The following SGCZ variants were observed in gnomAD, a reference collection of about 807,000 sequenced individuals.
SGCZ encodes the protein sarcoglycan zeta.
A neutral mutation model predicts 41.3 loss-of-function variants in SGCZ; 40 were observed. The observed-to-expected ratio is 0.97, with a 90% CI of 0.75 to 1.26. SGCZ has a LOEUF of 1.26. SGCZ is among the 50% of genes most tolerant of loss of function. The probability of loss-of-function intolerance (pLI) is 0.00; values close to 1 mark genes in which losing one functional copy is unlikely to be tolerated. For synonymous variants in SGCZ, 206 were observed against 137.5 expected (o/e 1.50, Z -3.49); for missense variants, 552 against 369.8 (o/e 1.49, Z -4.04).
intron 2 of SGCZ, among the ~76,000 whole-genome samples, chr8:14,337,435 C>G (rs1802544197): frequency 1.3e-5 from 2 of 151,934 alleles, no homozygotes; most frequent in Non-Finnish European, 2.9e-5. Context: ...GTGGTCAGAA[C>G]ATAAGATTAG....
At chr8:14,639,296 T>C (rs1338409279) in intron 1 of SGCZ, among the ~76,000 whole-genome samples, 1 of 151,740 alleles carries the variant, frequency 6.6e-6, no homozygotes, top group African/African-American at 2.4e-5. Flanking sequence ...TTACCACTAA[T>C]ATATTATTCC....
At position 14,941,731 on chromosome 8, in the gene SGCZ, G is replaced by A. The variant is rs78275414; in HGVS notation, c.39+295854C>T. ...AGAGAGTTTGTACATCTATTCATAC[G>A]TTTATTAGAGACTTGATTTTTTGCA... is the stretch of plus-strand genomic sequence containing the variant. On this transcript the variant is annotated intron_variant, in intron 1 of 7. Transcript: ENST00000382080. Among the ~76,000 whole-genome samples, 849 of 151,558 alleles carry A rather than the reference G, an allele frequency of 5.6e-3. 14 individuals carry two copies. Among genetic ancestry groups the A allele is most frequent in the African/African-American group, 0.019 (802 of 41,380 alleles).
chr8:14,127,353 T>C (rs1802893250), intron 5 of SGCZ, among the ~76,000 whole-genome samples: 1 of 152,196 alleles, frequency 6.6e-6, no homozygotes, highest in African/African-American at 2.4e-5. Flanking sequence ...TGAATTACTA[T>C]AAATGACTGT....
At chr8:14,378,322 T>C (rs1804218082) in intron 2 of SGCZ, among the ~76,000 whole-genome samples, 1 of 152,154 alleles carries the variant, frequency 6.6e-6, no homozygotes, top group African/African-American at 2.4e-5. Flanking sequence ...GCTGCATAAA[T>C]GTCTTCTTAG....
intron 4 of SGCZ, among the ~76,000 whole-genome samples, chr8:14,197,177 T>C (rs1291138039): frequency 1.3e-5 from 2 of 152,144 alleles, no homozygotes; most frequent in Admixed American, 6.5e-5. Context: ...ATGGCTTTCT[T>C]TGGCATAATA....
At chr8:14,109,833 A>C (rs1438711961) in intron 5 of SGCZ, among the ~76,000 whole-genome samples, 1 of 152,062 alleles carries the variant, frequency 6.6e-6, no homozygotes, top group Non-Finnish European at 1.5e-5. Context: ...TATGCTGCTG[A>C]GGGCAAACTT....
chr8:14,775,223 T>C (rs188315693), intron 1 of SGCZ, among the ~76,000 whole-genome samples: 68 of 152,248 alleles, frequency 4.5e-4, no homozygotes, highest in African/African-American at 1.5e-3. Context: ...GATTGAGTTG[T>C]TTCCAGACCA....
At chr8:14,453,780 C>A (rs1800665158) in intron 2 of SGCZ, among the ~76,000 whole-genome samples, 1 of 152,194 alleles carries the variant, frequency 6.6e-6, no homozygotes, top group Non-Finnish European at 1.5e-5. Context: ...ATTCAAAAAT[C>A]TACTTTGCAA....
At chr8:14,460,090 A>T (rs917924376) in intron 2 of SGCZ, among the ~76,000 whole-genome samples, 2 of 152,156 alleles carry the variant, frequency 1.3e-5, no homozygotes, top group Non-Finnish European at 2.9e-5. Flanking sequence ...TAATTTTGCT[A>T]AATGTATTTT....
chr8:14,727,481 T>C (rs1165081442), intron 1 of SGCZ, among the ~76,000 whole-genome samples: 1 of 152,070 alleles, frequency 6.6e-6, no homozygotes, highest in Non-Finnish European at 1.5e-5. Flanking sequence ...CTCTTAGGTA[T>C]TTCACAAGAG....
In SGCZ at chr8:15,111,635, T is replaced by C. The variant is rs572762362; in HGVS notation, c.39+125950A>G. Among the ~76,000 whole-genome samples, 676 of 152,188 alleles carry C rather than the reference T, an allele frequency of 4.4e-3. 4 individuals carry two copies. Among genetic ancestry groups the C allele is most frequent in the African/African-American group, 0.016 (651 of 41,532 alleles). On this transcript the variant is annotated intron_variant, in intron 1 of 7. Transcript: ENST00000382080. Reference sequence around the variant, plus strand: ...CCTACATTTCGGCCGGGTGTGGTGGTTCACGCCTGTAATCGCAGCACTTTG... The same window carrying C: ...CCTACATTTCGGCCGGGTGTGGTGGCTCACGCCTGTAATCGCAGCACTTTG...
intron 2 of SGCZ, among the ~76,000 whole-genome samples, chr8:14,419,113 G>A (rs751678401): frequency 3.6e-4 from 54 of 151,692 alleles, no homozygotes; most frequent in Non-Finnish European, 4.6e-4. Flanking sequence ...TAACATTTGG[G>A]AAAAGTATAA....
chr8:14,516,396 T>C (rs1014762542), intron 2 of SGCZ, among the ~76,000 whole-genome samples: 21 of 152,040 alleles, frequency 1.4e-4, no homozygotes, highest in Non-Finnish European at 2.4e-4. Flanking sequence ...GATACCTATA[T>C]GGCATAAAAA....
intron 2 of SGCZ, among the ~76,000 whole-genome samples, chr8:14,406,724 C>G (rs1480299526): frequency 4.6e-5 from 7 of 150,786 alleles, no homozygotes; most frequent in Admixed American, 2.6e-4. Context: ...TTCTACGCAA[C>G]AACATGACAA....
intron 3 of SGCZ, among the ~76,000 whole-genome samples, chr8:14,283,081 C>T (rs974025420): frequency 6.6e-5 from 10 of 151,940 alleles, no homozygotes; most frequent in African/African-American, 2.4e-4. Flanking sequence ...GATCTCCTGA[C>T]CTCGTGATCC....
intron 1 of SGCZ, among the ~76,000 whole-genome samples, chr8:14,963,758 G>T (rs1433880442): frequency 6.6e-6 from 1 of 152,152 alleles, no homozygotes; most frequent in Non-Finnish European, 1.5e-5. Context: ...CTTTCACGCA[G>T]GTCATCCCTT....
At chr8:14,635,748 G>C (rs577261509) in intron 1 of SGCZ, among the ~76,000 whole-genome samples, 1 of 151,808 alleles carries the variant, frequency 6.6e-6, no homozygotes, top group Non-Finnish European at 1.5e-5. Flanking sequence ...TACTATCTGT[G>C]GTTTCAGGCA....
chr8:14,607,756 T>A (rs528433506), intron 1 of SGCZ, among the ~76,000 whole-genome samples: 5 of 152,252 alleles, frequency 3.3e-5, no homozygotes, highest in African/African-American at 1.2e-4. Context: ...GGAACAAGGT[T>A]TTCAGCTCCT....
At chr8:15,061,331 A>G (rs1804920163) in intron 1 of SGCZ, among the ~76,000 whole-genome samples, 1 of 152,058 alleles carries the variant, frequency 6.6e-6, no homozygotes, top group South Asian at 2.1e-4. Context: ...GGAGTAGAAC[A>G]ATGAGAACAC....
Sources: allele counts gnomAD v4.1 joint callset (sites outside exome capture counted in the v4.1 genomes callset), GRCh38; gene constraint gnomAD v4.1.1; transcripts MANE v1.5; gene names NCBI Gene and HGNC (gene_info 2026-07-23, HGNC 2026-07-21).